ROPN1L: variants seen among roughly 807,000 people sequenced by gnomAD.
ROPN1L encodes ropporin-1-like protein.
In ROPN1L, 23 loss-of-function variants were observed where a neutral mutation model predicts 22.7. The observed-to-expected ratio is 1.01, with a 90% CI of 0.73 to 1.43. ROPN1L has a LOEUF of 1.43. Ranked by LOEUF, ROPN1L falls within the 40% of genes most tolerant of loss-of-function variation. The pLI is 0.00. For synonymous variants in ROPN1L, 116 were observed against 117.8 expected, an observed-to-expected ratio of 0.98 and a Z score of 0.10; for missense variants, 271 against 291.5, an observed-to-expected ratio of 0.93 and a Z score of 0.51.
chr5:10,461,466 CACA>C lies in ROPN1L; in HGVS notation c.593+112_593+114del. 8 of 957,198 alleles carry C rather than the reference CACA, an allele frequency of 8.4e-6. No homozygotes were observed. The South Asian group carries it at 1.2e-4, about 15-fold the overall frequency. The allele number at this position is 957,198 out of a possible 1,614,324, so 59.3% of individuals were successfully genotyped here. On this transcript the variant is annotated intron_variant, in intron 4 of 4. Coordinates refer to ENST00000274134, the MANE Select transcript of ROPN1L (RefSeq NM_031916.5). ...CTCAGTTTTTCCTTTGCTCTCTCAC[CACA>C]ACAATAATCAACACAGAAGACTGCT...
chr5:10,459,219 T>C (rs1038137214), intron 3 of ROPN1L, among the ~76,000 whole-genome samples: 1 of 151,682 alleles, frequency 6.6e-6, no homozygotes, highest in Non-Finnish European at 1.5e-5. Flanking sequence ...AACTCCACCT[T>C]CAGGAGAGGC....
chr5:10,463,492 G>T (rs527412083), intron 4 of ROPN1L, among the ~76,000 whole-genome samples: 1 of 152,302 alleles, frequency 6.6e-6, no homozygotes, highest in Admixed American at 6.5e-5. Context: ...GGCCTTCTAG[G>T]TGCAAGGGCA....
At chr5:10,446,504 A>G (rs1009025621) in intron 1 of ROPN1L, among the ~76,000 whole-genome samples, 1 of 152,188 alleles carries the variant, frequency 6.6e-6, no homozygotes, top group Non-Finnish European at 1.5e-5. Flanking sequence ...CTAATAAAAT[A>G]TAAAAAATCA....
At chr5:10,462,682 T>C (rs1055553336) in intron 4 of ROPN1L, among the ~76,000 whole-genome samples, 4 of 152,094 alleles carry the variant, frequency 2.6e-5, no homozygotes, top group African/African-American at 9.7e-5. Context: ...TCACTTGAGA[T>C]CAGGAGTTCG....
At chr5:10,455,873 A>AAAAACCAGTGCTGGGT (rs1579650421) in intron 3 of ROPN1L, among the ~76,000 whole-genome samples, 7 of 21,450 alleles carry the variant, frequency 3.3e-4, no homozygotes, top group Non-Finnish European at 4.9e-4. Context: ...GGTCAGAGGC[A>AAAAACCAGTGCTGGGT]CAGCTTCACT....
the ROPN1L span, among the ~76,000 whole-genome samples, chr5:10,477,469 T>C: frequency 6.6e-6 from 1 of 152,184 alleles, no homozygotes; most frequent in South Asian, 2.1e-4. Context: ...AGCCAGGAAC[T>C]GAGCTGACAT....
Position 10,464,734 on chromosome 5 carries a change from AC to A in ROPN1L, c.594-112del. On this transcript the variant is annotated intron_variant, in intron 4 of 4. Transcript: ENST00000274134. ...TGGAAGTAAGAATTACTGATGAGCA[AC>A]CATAAATAGTTTTTAAAAGTAGACC... The A allele has an allele frequency of 6.7e-6, 4 of 600,176 alleles. 1 individual carries two copies. The South Asian group carries it at 1.1e-4, about 16-fold the overall frequency. 37.2% of individuals were successfully genotyped at this position (600,176 alleles called of 1,614,324 possible).
chr5:10,468,039 G>A (rs1735183688), downstream of ROPN1L, among the ~76,000 whole-genome samples: 1 of 152,154 alleles, frequency 6.6e-6, no homozygotes, highest in Non-Finnish European at 1.5e-5. Flanking sequence ...CCCACACATC[G>A]GAGTCTCCTG....
chr5:10,460,765 G>C (rs1735006502), intron 3 of ROPN1L, among the ~76,000 whole-genome samples: 1 of 152,232 alleles, frequency 6.6e-6, no homozygotes. Context: ...TTGGCTGCCA[G>C]CCCTGCCCTC....
downstream of ROPN1L, among the ~76,000 whole-genome samples, chr5:10,469,045 C>G (rs1735203603): frequency 6.6e-6 from 1 of 152,160 alleles, no homozygotes; most frequent in African/African-American, 2.4e-5. Flanking sequence ...GTCCCAGCTA[C>G]TTGGGAGGCT....
chr5:10,445,325 A>G (rs1370965385), intron 1 of ROPN1L, among the ~76,000 whole-genome samples: 2 of 152,198 alleles, frequency 1.3e-5, no homozygotes, highest in Non-Finnish European at 2.9e-5. Context: ...TCGGCAGTAT[A>G]TATGTAATTG....
chr5:10,450,458 C>T (rs1219179846), intron 3 of ROPN1L, among the ~76,000 whole-genome samples: 1 of 152,202 alleles, frequency 6.6e-6, no homozygotes, highest in South Asian at 2.1e-4. Context: ...AAGAGGCATA[C>T]AATTATTTTC....
At chr5:10,454,840 G>C (rs1018298890) in intron 3 of ROPN1L, among the ~76,000 whole-genome samples, 4 of 152,196 alleles carry the variant, frequency 2.6e-5, no homozygotes, top group African/African-American at 7.2e-5. Flanking sequence ...GGCACCATCA[G>C]GATTGCAGGC....
intron 1 of ROPN1L, among the ~76,000 whole-genome samples, chr5:10,445,411 C>T (rs1187476809): frequency 3.3e-5 from 5 of 152,092 alleles, no homozygotes; most frequent in South Asian, 2.1e-4. Context: ...TTGAGTAAGG[C>T]GGGACTTGGT....
At chr5:10,470,390 G>A (rs1201685590) in intron 4 of ROPN1L, among the ~76,000 whole-genome samples, 1 of 152,202 alleles carries the variant, frequency 6.6e-6, no homozygotes, top group Non-Finnish European at 1.5e-5. Flanking sequence ...AGATGCCAGG[G>A]GCAGCCAGGT....
intron 1 of ROPN1L, 88 bp from the exon 2 acceptor site, chr5:10,448,172 G>T: frequency 6.7e-7 from 1 of 1,490,328 alleles, no homozygotes; most frequent in East Asian, 2.3e-5. Context: ...CCTAATCACC[G>T]TTGTTTTGGG....
intron 4 of ROPN1L, among the ~76,000 whole-genome samples, chr5:10,461,969 C>G (rs770780854): frequency 6.6e-6 from 1 of 152,288 alleles, no homozygotes; most frequent in East Asian, 1.9e-4. Flanking sequence ...CTGTTGGTCT[C>G]GATGTGTTTA....
downstream of ROPN1L, among the ~76,000 whole-genome samples, chr5:10,474,963 G>A (rs935662165): frequency 2.0e-5 from 3 of 152,184 alleles, no homozygotes; most frequent in Admixed American, 6.5e-5. Flanking sequence ...AAAGAAAATA[G>A]AGAACAGATG....
the ROPN1L span, chr5:10,478,178 A>G: frequency 6.6e-6 from 1 of 152,210 alleles, no homozygotes; most frequent in Admixed American, 6.5e-5. Context: ...TGGGCCCTGC[A>G]CTGTGTGTCT....
Sources: gnomAD v4.1 joint callset for allele counts (sites outside exome capture counted in the v4.1 genomes callset) on GRCh38, gnomAD v4.1.1 for gene constraint, MANE v1.5 for transcripts, NCBI Gene and HGNC (gene_info 2026-07-23, HGNC 2026-07-21) for gene names.